CFAP57: variants seen among roughly 807,000 people sequenced by gnomAD.
CFAP57 encodes the protein cilia- and flagella-associated protein 57.
CFAP57 carries 116 observed loss-of-function variants against 146.8 expected under a neutral mutation model. The ratio of observed to expected loss-of-function variants is 0.79; its 90% CI spans 0.68 to 0.92. The LOEUF (loss-of-function observed/expected upper bound fraction) is 0.92. Ranked by LOEUF, CFAP57 falls within the 40% of genes least tolerant of loss-of-function variation. The pLI, the probability that CFAP57 is intolerant of heterozygous loss-of-function variation, is 0.00. For synonymous variants in CFAP57, 518 were observed against 552.8 expected (o/e 0.94, Z 0.88); for missense variants, 1,377 against 1,527.2 (o/e 0.90, Z 1.64).
Position 43,183,767 on chromosome 1 carries a change from A to G in CFAP57, c.651A>G (p.Thr217=), listed in dbSNP as rs1185504144. 3.1e-6 allele frequency: 5 copies of G among 1,614,098 alleles called. No individual in the cohort carries two copies. The African/African-American group carries it at 5.3e-5, about 17-fold the overall frequency. The stretch of plus-strand genomic sequence containing the variant: ...ACAAGATTGTCGTTGGCACTGACAC[A>G]GGCAAACTCTTCCTCTTTGAATCTG... The part of the protein sequence containing the change: ...ADDKIVVGTD[T]GKLFLFESGD... Residue 217 remains threonine, a synonymous_variant, in exon 4 of 23, where the codon ACA becomes ACG. Coordinates refer to ENST00000372492, the MANE Select transcript of CFAP57 (RefSeq NM_001378189.1).
chr1:43,198,483 C>A lies in CFAP57; in HGVS notation c.1265C>A (p.Thr422Asn), dbSNP rs758927486. Residue 422 changes from threonine (T) to asparagine (N), a missense_variant and splice_region_variant, in exon 8 of 23, where the codon ACC becomes AAC. Physicochemically the swap from Thr to Asn is moderately conservative, Grantham distance 65. Transcript: ENST00000372492. ...TCAGTAATTGATCTTTTTCACAGCA[C>A]CCTGGAACTATTTAAGGAATACCAA... ...SIRLWNYETN[T>N]LELFKEYQEE... is the part of the protein sequence containing the mutation. The A allele has an allele frequency of 7.7e-5, 124 of 1,613,816 alleles. No individual in the cohort carries two copies. Among genetic ancestry groups the A allele is most frequent in the Non-Finnish European group, 1.0e-4 (122 of 1,180,006 alleles).
At chr1:43,237,977 G>T (rs1645767274) in intron 21 of CFAP57, among the ~76,000 whole-genome samples, 1 of 152,214 alleles carries the variant, frequency 6.6e-6, no homozygotes, top group African/African-American at 2.4e-5. Flanking sequence ...TGACTGTCAT[G>T]TTAAGGGTAG....
At chr1:43,214,880 G>A (rs1644774402) in intron 11 of CFAP57, among the ~76,000 whole-genome samples, 2 of 152,180 alleles carry the variant, frequency 1.3e-5, no homozygotes, top group African/African-American at 2.4e-5. Flanking sequence ...GGCTAATAAT[G>A]CGGAGTATCT....
chr1:43,230,747 C>T (rs1203423038), intron 18 of CFAP57, among the ~76,000 whole-genome samples: 1 of 152,194 alleles, frequency 6.6e-6, no homozygotes, highest in African/African-American at 2.4e-5. Context: ...GCTGCCTGCT[C>T]ACCTCCTCTG....
At chr1:43,234,709 C>G in intron 21 of CFAP57, 71 bp downstream of exon 21, 1 of 1,478,864 alleles carries the variant, frequency 6.8e-7, no homozygotes, top group South Asian at 1.4e-5. Flanking sequence ...TCAAGGGTCC[C>G]TCTGAGACCA....
intron 22 of CFAP57, among the ~76,000 whole-genome samples, chr1:43,248,027 C>T (rs955573330): frequency 2.0e-5 from 3 of 151,086 alleles, no homozygotes; most frequent in Admixed American, 2.0e-4. Context: ...CGGGAGGTAG[C>T]CACTCAGCTA....
rs1409444680 is a variant in CFAP57, at chr1:43,238,769, G to C, written c.3405+4131G>C. ...TGGAATGGAGGTGACATAAATGTGAGGGGGGACAGCAGAGCCTGGAAAGCA... is the reference window on the plus strand; with the variant it reads ...TGGAATGGAGGTGACATAAATGTGACGGGGGACAGCAGAGCCTGGAAAGCA... On this transcript the variant is annotated intron_variant, in intron 21 of 22. Transcript: ENST00000372492. The surrounding 1 kb of genome is among the most constrained non-coding windows in gnomAD (Gnocchi z 4.3). Among the ~76,000 whole-genome samples the C allele has an allele frequency of 1.3e-5, 2 of 152,090 alleles. No individual in the cohort carries two copies. The highest frequency in any genetic ancestry group is 2.1e-4 in the South Asian group (1 of 4,810).
intron 18 of CFAP57, among the ~76,000 whole-genome samples, chr1:43,231,699 CAAAAAAA>C (rs10588937): frequency 6.0e-5 from 5 of 83,572 alleles, no homozygotes; most frequent in Non-Finnish European, 1.6e-4. Context: ...CCTAAAAATA[CAAAAAAA>C]AAAAAAAAAA....
chr1:43,203,041 T>G (rs577145587), intron 9 of CFAP57, among the ~76,000 whole-genome samples: 1 of 150,708 alleles, frequency 6.6e-6, no homozygotes, highest in African/African-American at 2.4e-5. Context: ...AGCATGGTGG[T>G]GGGCACCTGT....
chr1:43,173,987 G>A (rs1337836167), intron 2 of CFAP57, among the ~76,000 whole-genome samples: 2 of 152,110 alleles, frequency 1.3e-5, no homozygotes, highest in African/African-American at 2.4e-5. Context: ...TGTGGTTTTC[G>A]TTTGCATTTT....
At chr1:43,217,452 C>T (rs959761447) in intron 12 of CFAP57, among the ~76,000 whole-genome samples, 11 of 152,102 alleles carry the variant, frequency 7.2e-5, no homozygotes, top group African/African-American at 2.4e-4. Flanking sequence ...GATAAGTATT[C>T]ATTCAGTGCT....
At chr1:43,190,575 C>T (rs1161476435) in intron 6 of CFAP57, among the ~76,000 whole-genome samples, 23 of 151,820 alleles carry the variant, frequency 1.5e-4, no homozygotes, top group Admixed American at 1.5e-3. Context: ...CGGCTGCATC[C>T]AGTCTTTAAC....
rs1645405771 is a variant in CFAP57, at chr1:43,181,516, T to C, written c.158-18T>C. 6.2e-7 allele frequency: 1 copy of C among 1,613,564 alleles called. No individual in the cohort carries two copies. Among genetic ancestry groups the C allele is most frequent in the Admixed American group, 1.7e-5 (1 of 59,990 alleles). On this transcript the variant is annotated intron_variant, in intron 2 of 22. Coordinates refer to ENST00000372492, the MANE Select transcript of CFAP57 (RefSeq NM_001378189.1). ...AGTGTGATCTACCCTGATTATTTCC[T>C]TTTTCCTCTGTTTGCAGGCTCAGAG...
intron 11 of CFAP57, among the ~76,000 whole-genome samples, chr1:43,213,606 T>C (rs1308348393): frequency 6.6e-6 from 1 of 152,150 alleles, no homozygotes; most frequent in African/African-American, 2.4e-5. Flanking sequence ...TAGTTCTATT[T>C]TTAGTTTTTT....
At chr1:43,197,731 C>G in intron 7 of CFAP57, 39 bp downstream of exon 7, 1 of 1,610,792 alleles carries the variant, frequency 6.2e-7, no homozygotes, top group African/African-American at 1.3e-5. Context: ...TTATGCAAGA[C>G]CCCAGTTGTG....
At chr1:43,175,689 G>GGA (rs1254753632) in intron 2 of CFAP57, among the ~76,000 whole-genome samples, 1 of 151,526 alleles carries the variant, frequency 6.6e-6, no homozygotes. Flanking sequence ...TTGTTTTTAT[G>GGA]GAGATGGGGT....
chr1:43,192,107 G>A (rs1054833422), intron 6 of CFAP57, among the ~76,000 whole-genome samples: 3 of 151,986 alleles, frequency 2.0e-5, no homozygotes, highest in African/African-American at 7.2e-5. Context: ...AATATATTTT[G>A]TATTATTTCT....
chr1:43,200,620 C>A (rs1440582248), intron 9 of CFAP57, among the ~76,000 whole-genome samples: 1 of 152,042 alleles, frequency 6.6e-6, no homozygotes, highest in African/African-American at 2.4e-5. Context: ...AAGAAGTCAG[C>A]AGATGAATTT....
At chr1:43,224,000 G>T in intron 16 of CFAP57, 46 bp from the exon 17 acceptor site, 1 of 1,546,476 alleles carries the variant, frequency 6.5e-7, no homozygotes, top group South Asian at 1.2e-5. Flanking sequence ...GGATGGAGAT[G>T]AGTTCTGACT....
Sources: allele counts gnomAD v4.1 joint callset (sites outside exome capture counted in the v4.1 genomes callset), GRCh38; gene constraint gnomAD v4.1.1; non-coding constraint Gnocchi (gnomAD v3.1); transcripts MANE v1.5; gene names NCBI Gene and HGNC (gene_info 2026-07-23, HGNC 2026-07-21).